Variants in RPS6KA3 observed in about 807,000 individuals in gnomAD.
RPS6KA3 encodes the protein ribosomal protein S6 kinase A3.
Under a neutral mutation model 67.2 loss-of-function variants are expected in RPS6KA3, and 4 were observed. The observed-to-expected ratio is 0.06, with a 90% CI of 0.03 to 0.14. The LOEUF is 0.14. RPS6KA3 is among the 10% of genes least tolerant of loss of function. The probability of loss-of-function intolerance (pLI) is 1.00; values close to 1 mark genes in which losing one functional copy is unlikely to be tolerated. For missense variants in RPS6KA3, 204 were observed against 559.0 expected, an observed-to-expected ratio of 0.36 and a Z score of 6.40; for synonymous variants, 182 against 183.7, an observed-to-expected ratio of 0.99 and a Z score of 0.07.
rs1042529640 is a variant in RPS6KA3, at chrX:20,172,355, T to C, written c.1353+391A>G. 5.3e-5 allele frequency among the ~76,000 whole-genome samples: 6 copies of C among 112,183 alleles called. No individual in the cohort carries two copies. In the Admixed American group the frequency reaches 5.7e-4, roughly 11 times the overall value. On this transcript the variant is annotated intron_variant, in intron 15 of 21. Transcript: ENST00000379565. The stretch of plus-strand genomic sequence containing the variant: ...TTTTTATTCATTAGTTCCCAGATCC[T>C]TTTAGATGCAAAGAAAGGTATGAAC...
At chrX:20,181,054 T>C (rs182845817) in intron 10 of RPS6KA3, among the ~76,000 whole-genome samples, 93 of 112,196 alleles carry the variant, frequency 8.3e-4, no homozygotes, top group Admixed American at 2.1e-3. Flanking sequence ...CTAAGCATTA[T>C]TGCTAGTTTT....
At chrX:20,163,536 T>C (rs1367783844) in intron 18 of RPS6KA3, among the ~76,000 whole-genome samples, 1 of 111,182 alleles carries the variant, frequency 9.0e-6, no homozygotes, top group Non-Finnish European at 1.9e-5. Flanking sequence ...CTGATAAATA[T>C]TATAATAAAA....
At chrX:20,176,892 T>G in intron 11 of RPS6KA3, 104 bp downstream of exon 11, 2 of 645,883 alleles carry the variant, frequency 3.1e-6, no homozygotes, top group Non-Finnish European at 5.1e-6. Flanking sequence ...AGGCCTAGCC[T>G]TGTCTAAATA....
chrX:20,254,864 G>C (rs763424173), intron 1 of RPS6KA3, among the ~76,000 whole-genome samples: 9 of 112,009 alleles, frequency 8.0e-5, no homozygotes, highest in African/African-American at 2.9e-4. Context: ...CGGAAAAGCT[G>C]GAACTCTCAT....
At position 20,266,717 on chromosome X, in the gene RPS6KA3, C is replaced by G. The variant is rs2070399572; in HGVS notation, c.-85G>C. On this transcript the variant is annotated 5_prime_UTR_variant, in exon 1 of 22. Transcript: ENST00000379565. ...CCCCGCTCCGTCGCCGCCCGAGCCCCACGGCAGCGGCGGCGGCGGCGGCGG... is the reference window on the plus strand; with the variant it reads ...CCCCGCTCCGTCGCCGCCCGAGCCCGACGGCAGCGGCGGCGGCGGCGGCGG... 1.6e-6 allele frequency: 1 copy of G among 630,325 alleles called. No homozygotes were observed. Among genetic ancestry groups the G allele is most frequent in the Admixed American group, 1.0e-4 (1 of 9,896 alleles). 51.9% of individuals were successfully genotyped at this position (630,325 alleles called of 1,213,427 possible).
intron 2 of RPS6KA3, among the ~76,000 whole-genome samples, chrX:20,217,905 G>A (rs1357133075): frequency 8.9e-6 from 1 of 112,177 alleles, no homozygotes. Flanking sequence ...ATTACAATCT[G>A]ACTGAATTCA....
At chrX:20,176,410 AG>A in intron 12 of RPS6KA3, 23 bp downstream of exon 12, 1 of 1,149,176 alleles carries the variant, frequency 8.7e-7, no homozygotes, top group Non-Finnish European at 1.2e-6. Context: ...AAATATTTCA[AG>A]CAAGTTTTCA....
At chrX:20,177,126 T>C (rs1209938265) in intron 10 of RPS6KA3, 42 bp from the exon 11 acceptor site, 1 of 942,727 alleles carries the variant, frequency 1.1e-6, no homozygotes. Context: ...TTTGGAGGCA[T>C]CTGTATTTTT....
intron 10 of RPS6KA3, among the ~76,000 whole-genome samples, chrX:20,179,126 T>C (rs1233485878): frequency 8.9e-6 from 1 of 111,771 alleles, no homozygotes; most frequent in African/African-American, 3.3e-5. Flanking sequence ...GGAGAATACC[T>C]AATTATGCAA....
intron 16 of RPS6KA3, among the ~76,000 whole-genome samples, 171 bp from the exon 17 acceptor site, chrX:20,167,918 G>C (rs1250751075): frequency 8.9e-6 from 1 of 112,374 alleles, no homozygotes; most frequent in Non-Finnish European, 1.9e-5. Context: ...CACAATCTTG[G>C]CTCACTGCAA....
rs1435069037 is a variant in RPS6KA3 at position 20,151,343 on chromosome X, G to C, written c.*4055C>G. 8.9e-6 allele frequency: 1 copy of C among 112,806 alleles called. No individual in the cohort carries two copies. Among genetic ancestry groups the C allele is most frequent in the Admixed American group, 9.4e-5 (1 of 10,607 alleles). The allele number at this position is 112,806 out of a possible 1,213,427, so 9.3% of individuals were successfully genotyped here. A position where few individuals can be genotyped will look rare whatever the true frequency, so the allele number is the denominator to read the frequency against. ...AATTGGTCTCCACCAATGGTCACTT[G>C]GGGAGACCAGCAAAATGTAAGCAAC... On this transcript the variant is annotated 3_prime_UTR_variant, in exon 22 of 22. Transcript: ENST00000379565.
intron 10 of RPS6KA3, among the ~76,000 whole-genome samples, chrX:20,185,625 C>T (rs2067962977): frequency 9.0e-6 from 1 of 111,604 alleles, no homozygotes; most frequent in African/African-American, 3.3e-5. Context: ...TCTATGGATA[C>T]AGTCATGTTA....
intron 1 of RPS6KA3, among the ~76,000 whole-genome samples, chrX:20,262,114 T>C (rs945149515): frequency 9.0e-6 from 1 of 111,715 alleles, no homozygotes; most frequent in Non-Finnish European, 1.9e-5. Flanking sequence ...ATCTGAACCG[T>C]TGGGTCTAAA....
intron 2 of RPS6KA3, 42 bp from the exon 3 acceptor site, chrX:20,209,446 A>G (rs752414022): frequency 8.8e-6 from 6 of 684,425 alleles, no homozygotes; most frequent in Non-Finnish European, 1.4e-5. Flanking sequence ...GGTTAGCCAG[A>G]GCTATTTTCT....
rs189574585 is a variant in RPS6KA3, at chrX:20,157,652, C to G, written c.1960-1403G>C. Among the ~76,000 whole-genome samples the G allele has an allele frequency of 2.0e-3, 219 of 111,022 alleles. 1 individual carries two copies. The highest frequency in any genetic ancestry group is 6.8e-3 in the African/African-American group (207 of 30,569). On this transcript the variant is annotated intron_variant, in intron 20 of 21. Coordinates refer to ENST00000379565, the MANE Select transcript of RPS6KA3 (RefSeq NM_004586.3). ...GTGCAGCTGGAGGGACACAGAGATA[C>G]CTGACTGTACTGTGTGAGGTGGCTT...
intron 1 of RPS6KA3, among the ~76,000 whole-genome samples, chrX:20,266,352 C>G: frequency 9.0e-6 from 1 of 111,684 alleles, no homozygotes; most frequent in Non-Finnish European, 1.9e-5. Context: ...CTGGCAGCCC[C>G]CCGAGCGAGG....
intron 14 of RPS6KA3, among the ~76,000 whole-genome samples, chrX:20,173,642 C>CA (rs1246853906): frequency 8.9e-6 from 1 of 112,359 alleles, no homozygotes; most frequent in African/African-American, 3.2e-5. Flanking sequence ...GTAGGATATA[C>CA]AAGTTTGTGG....
chrX:20,207,136 G>T (rs1303831707), intron 3 of RPS6KA3, among the ~76,000 whole-genome samples: 1 of 111,961 alleles, frequency 8.9e-6, no homozygotes, highest in African/African-American at 3.2e-5. Flanking sequence ...GACCCAGTTA[G>T]GAGACTCCTT....
At chrX:20,214,669 T>C (rs1316685741) in intron 2 of RPS6KA3, among the ~76,000 whole-genome samples, 1 of 111,309 alleles carries the variant, frequency 9.0e-6, no homozygotes, top group East Asian at 2.8e-4. Flanking sequence ...AAGACCTGAA[T>C]TCTTTAACTT....
Sources: allele counts gnomAD v4.1 joint callset (sites outside exome capture counted in the v4.1 genomes callset), GRCh38; gene constraint gnomAD v4.1.1; transcripts MANE v1.5; gene names NCBI Gene and HGNC (gene_info 2026-07-23, HGNC 2026-07-21).